ARMC3: variants seen among roughly 807,000 people sequenced by gnomAD.
ARMC3 encodes the protein armadillo repeat containing 3.
A neutral mutation model predicts 90.3 loss-of-function variants in ARMC3; 74 were observed. The observed-to-expected ratio is 0.82, with a 90% CI of 0.68 to 0.99. ARMC3 has a LOEUF of 0.99. Ranked by LOEUF, ARMC3 falls within the 50% of genes least tolerant of loss-of-function variation. The pLI is 0.00. For synonymous variants in ARMC3, 334 were observed against 361.8 expected (o/e 0.92, Z 0.87); for missense variants, 958 against 1,042.8 (o/e 0.92, Z 1.12).
chr10:23,001,624 G>A (rs1837294486), intron 11 of ARMC3, among the ~76,000 whole-genome samples: 1 of 152,024 alleles, frequency 6.6e-6, no homozygotes, highest in Non-Finnish European at 1.5e-5. Flanking sequence ...AATAAGCATC[G>A]GGCATCCCAC....
intron 8 of ARMC3, among the ~76,000 whole-genome samples, chr10:22,970,226 A>G (rs952553671): frequency 1.3e-5 from 2 of 152,210 alleles, no homozygotes; most frequent in Non-Finnish European, 2.9e-5. Context: ...TAAATAAGAT[A>G]AATTGTCTGG....
At chr10:23,034,109 C>CTTTCCTATTCCCTTGGA (rs1839032926) in intron 18 of ARMC3, among the ~76,000 whole-genome samples, 4 of 151,984 alleles carry the variant, frequency 2.6e-5, no homozygotes, top group African/African-American at 9.7e-5. Context: ...TTCCTATTCC[C>CTTTCCTATTCCCTTGGA]TTTCCTATTC....
intron 7 of ARMC3, among the ~76,000 whole-genome samples, chr10:22,966,513 A>C (rs1320080240): frequency 6.6e-6 from 1 of 152,208 alleles, no homozygotes; most frequent in Non-Finnish European, 1.5e-5. Context: ...TTATACTCAG[A>C]TTTTGGGTTA....
chr10:22,978,813 T>TCA lies in ARMC3; in HGVS notation c.917-2526_917-2525dup, dbSNP rs1188866836. ...ATACTGTTATTATACAATGTAACTA[T>TCA]CAATAGCAATTTATACACTTATTTT... is the stretch of plus-strand genomic sequence containing the variant. On this transcript the variant is annotated intron_variant, in intron 8 of 18. Coordinates refer to ENST00000298032, the MANE Select transcript of ARMC3 (RefSeq NM_173081.5). 2.0e-5 allele frequency among the ~76,000 whole-genome samples: 3 copies of TCA among 152,368 alleles called. No homozygotes were observed. In the East Asian group the frequency reaches 5.8e-4, roughly 29 times the overall value.
intron 5 of ARMC3, 75 bp downstream of exon 5, chr10:22,959,213 T>C (rs1348833999): frequency 1.4e-6 from 2 of 1,425,664 alleles, no homozygotes; most frequent in Admixed American, 1.7e-5. Context: ...ATATTGAAAA[T>C]CATTCATGAA....
chr10:22,962,001 G>A lies in ARMC3; in HGVS notation c.655G>A (p.Ala219Thr), dbSNP rs1835219623. The change falls in exon 7 of 19, where the codon GCA (alanine) becomes ACA (threonine). Residue 219 changes from alanine to threonine, a missense_variant. Coordinates refer to ENST00000298032, the MANE Select transcript of ARMC3 (RefSeq NM_173081.5). ...GGCTCTCAAAACCTTAGGTGTTATT[G>A]CAAATGATAAGGAGTCTCGAACAAT... ...LLALKTLGVI[A>T]NDKESRTMLR... The A allele has an allele frequency of 1.9e-6, 3 of 1,612,408 alleles. No homozygotes were observed. The East Asian group carries it at 6.7e-5, about 36-fold the overall frequency.
At chr10:23,016,918 G>T (rs1838300286) in intron 16 of ARMC3, among the ~76,000 whole-genome samples, 1 of 152,134 alleles carries the variant, frequency 6.6e-6, no homozygotes, top group Admixed American at 6.6e-5. Context: ...GTATTGGACT[G>T]ACTGTTGGAA....
chr10:23,014,097 C>T, intron 16 of ARMC3: 1 of 1,550,252 alleles, frequency 6.5e-7, no homozygotes, highest in Non-Finnish European at 8.7e-7. Context: ...CACATTCTGG[C>T]AGCTCACTCC....
Position 22,945,336 on chromosome 10 carries a change from C to G in ARMC3, c.49-808C>G, listed in dbSNP as rs79471657. On this transcript the variant is annotated intron_variant, in intron 2 of 18. Transcript: ENST00000298032. ...CCTTTATCCCAAGCAGAACTCCATC[C>G]TTCATTAGTCTCTGGAAATGGAAGA... 6.6e-3 allele frequency among the ~76,000 whole-genome samples: 1,003 copies of G among 152,260 alleles called. 22 individuals are homozygous for G. In the East Asian group the frequency reaches 0.069, roughly 10 times the overall value.
intron 16 of ARMC3, among the ~76,000 whole-genome samples, chr10:23,026,738 A>T (rs1379066875): frequency 6.6e-6 from 1 of 152,174 alleles, no homozygotes; most frequent in Non-Finnish European, 1.5e-5. Context: ...TTTTTCTTCT[A>T]CATGTGTATT....
chr10:22,939,847 A>C (rs1834254151), intron 2 of ARMC3, among the ~76,000 whole-genome samples: 1 of 152,214 alleles, frequency 6.6e-6, no homozygotes, highest in Non-Finnish European at 1.5e-5. Flanking sequence ...AACCCAATCA[A>C]CTGAAAAAAG....
chr10:22,974,760 A>T (rs1835842913), intron 8 of ARMC3, among the ~76,000 whole-genome samples: 1 of 152,058 alleles, frequency 6.6e-6, no homozygotes, highest in South Asian at 2.1e-4. Flanking sequence ...CTCTTGCCCC[A>T]GCCTCCCAAG....
intron 2 of ARMC3, among the ~76,000 whole-genome samples, chr10:22,943,458 T>A (rs1834401696): frequency 6.6e-6 from 1 of 152,130 alleles, no homozygotes; most frequent in Non-Finnish European, 1.5e-5. Context: ...TTAACCTGCA[T>A]TTTTTTCTAT....
At chr10:23,007,031 G>T in intron 14 of ARMC3, 50 bp downstream of exon 14, 1 of 1,433,248 alleles carries the variant, frequency 7.0e-7, no homozygotes, top group Non-Finnish European at 9.5e-7. Flanking sequence ...ACTGCTTGTT[G>T]TTGTTGTTTC....
intron 17 of ARMC3, among the ~76,000 whole-genome samples, chr10:23,032,233 T>C (rs1838947426): frequency 6.6e-6 from 1 of 152,206 alleles, no homozygotes; most frequent in Non-Finnish European, 1.5e-5. Context: ...ACAAGCAAAG[T>C]ATACCACATT....
At chr10:22,951,765 C>T (rs536909948) in intron 3 of ARMC3, among the ~76,000 whole-genome samples, 2 of 152,246 alleles carry the variant, frequency 1.3e-5, no homozygotes, top group African/African-American at 4.8e-5. Flanking sequence ...GTTTATTGCA[C>T]TAAATGCCTA....
chr10:23,019,839 T>C (rs1838437424), intron 16 of ARMC3, among the ~76,000 whole-genome samples: 1 of 152,104 alleles, frequency 6.6e-6, no homozygotes, highest in Admixed American at 6.5e-5. Flanking sequence ...GCCATCACCA[T>C]GCAGCCACGC....
intron 8 of ARMC3, among the ~76,000 whole-genome samples, chr10:22,973,424 T>C (rs571329763): frequency 1.6e-4 from 24 of 151,180 alleles, no homozygotes; most frequent in Middle Eastern, 3.4e-3. Context: ...TAGGATCTAT[T>C]TGTACAAGTG....
At chr10:22,930,293 G>T (rs926181531) in intron 1 of ARMC3, among the ~76,000 whole-genome samples, 1 of 151,828 alleles carries the variant, frequency 6.6e-6, no homozygotes, top group African/African-American at 2.4e-5. Flanking sequence ...GCTTATATTG[G>T]CTCTAAAATA....
Sources: gnomAD v4.1 joint callset for allele counts (sites outside exome capture counted in the v4.1 genomes callset) on GRCh38, gnomAD v4.1.1 for gene constraint, MANE v1.5 for transcripts, NCBI Gene and HGNC (gene_info 2026-07-23, HGNC 2026-07-21) for gene names.